The following OR51B5 variants were observed in gnomAD, a reference collection of about 807,000 sequenced individuals.
OR51B5 encodes the protein olfactory receptor family 51 subfamily B member 5.
For missense variants in OR51B5, 456 were observed against 374.6 expected, an observed-to-expected ratio of 1.22 and a Z score of -1.79; for synonymous variants, 186 against 144.8, an observed-to-expected ratio of 1.28 and a Z score of -2.04.
rs1851398108 is a variant in OR51B5, at chr11:5,480,321, C to T, written n.84+25248G>A. 2.0e-5 allele frequency among the ~76,000 whole-genome samples: 3 copies of T among 151,582 alleles called. No homozygotes were observed. The South Asian group carries it at 6.3e-4, about 32-fold the overall frequency. On this transcript the variant is annotated intron_variant and non_coding_transcript_variant, in intron 1 of 4. Transcript: ENST00000415970. ...TCTTTGAAACCAACGAGAACAAAGA[C>T]ACAACATACCAGAATCTCTGGGACG...
intron 1 of OR51B5, among the ~76,000 whole-genome samples, chr11:5,496,056 T>G (rs1459147610): frequency 6.6e-6 from 1 of 152,042 alleles, no homozygotes; most frequent in African/African-American, 2.4e-5. Context: ...GTCTGGTTCC[T>G]GCCACAAGTT....
chr11:5,405,070 A>C (rs1453258498), intron 1 of OR51B5, among the ~76,000 whole-genome samples: 1 of 152,206 alleles, frequency 6.6e-6, no homozygotes, highest in East Asian at 1.9e-4. Flanking sequence ...GTAGACATTC[A>C]TATTTTCTAC....
chr11:5,420,601 G>C (rs1050056026), intron 1 of OR51B5, among the ~76,000 whole-genome samples: 1 of 151,862 alleles, frequency 6.6e-6, no homozygotes, highest in Non-Finnish European at 1.5e-5. Context: ...CACTTTTAAA[G>C]ATTATATCTA....
downstream of OR51B5, among the ~76,000 whole-genome samples, chr11:5,342,294 TGTTA>T (rs1038004988): frequency 1.3e-5 from 2 of 152,226 alleles, no homozygotes; most frequent in Non-Finnish European, 2.9e-5. Flanking sequence ...AATAAACATA[TGTTA>T]GTTACATTAT....
intron 1 of OR51B5, among the ~76,000 whole-genome samples, chr11:5,373,831 T>C (rs921641536): frequency 6.6e-6 from 1 of 152,140 alleles, no homozygotes; most frequent in Non-Finnish European, 1.5e-5. Context: ...GCCAGGAAGC[T>C]CAAACTGGGT....
At chr11:5,435,033 G>A (rs1273832035) in intron 1 of OR51B5, among the ~76,000 whole-genome samples, 1 of 152,140 alleles carries the variant, frequency 6.6e-6, no homozygotes, top group Non-Finnish European at 1.5e-5. Flanking sequence ...GAGGTCAGGT[G>A]GTGGGGAACA....
At chr11:5,369,433 CTA>C (rs1001793790) in intron 1 of OR51B5, among the ~76,000 whole-genome samples, 10 of 151,944 alleles carry the variant, frequency 6.6e-5, no homozygotes, top group Non-Finnish European at 1.0e-4. Flanking sequence ...CAGTAAAACT[CTA>C]TGAAACAGAC....
intron 1 of OR51B5, chr11:5,390,488 C>A: frequency 2.1e-6 from 2 of 951,990 alleles, no homozygotes; most frequent in South Asian, 2.0e-5. Flanking sequence ...TTGCCCCTGT[C>A]CTAAATAAAA....
At chr11:5,342,709 G>A (rs866448073) in exon 1 of OR51B5, 1 of 1,613,788 alleles carries the variant, frequency 6.2e-7, no homozygotes, top group East Asian at 2.2e-5. Context: ...AGCTCATAAT[G>A]AGGTGAACAA....
intron 1 of OR51B5, chr11:5,391,080 T>C (rs1205696844): frequency 6.6e-6 from 1 of 152,232 alleles, no homozygotes; most frequent in Non-Finnish European, 1.5e-5. Flanking sequence ...TACTTGTAGG[T>C]GTTTTAGTTG....
Position 5,343,220 on chromosome 11 carries a change from A to AAAACTCGAGAAAGGAAAGTGAGTGTG in OR51B5, c.304_305insCACACTCACTTTCCTTTCTCGAGTTT (p.Ile102ThrfsTer47). ...AGACTCGAGAAAGGAAAGTGAGTGT[A>AAAACTCGAGAAAGGAAAGTGAGTGTG]TAAAGTAGGCCTGGGAAAAGCAGGC... On this transcript the variant is annotated frameshift_variant, in exon 1 of 1. Coordinates refer to ENST00000300773, the Ensembl canonical transcript of OR51B5. LOFTEE classifies it low-confidence loss of function (END_TRUNC). 1 of 1,613,372 alleles carries AAAACTCGAGAAAGGAAAGTGAGTGTG rather than the reference A, an allele frequency of 6.2e-7. No homozygotes were observed. Among genetic ancestry groups the AAAACTCGAGAAAGGAAAGTGAGTGTG allele is most frequent in the East Asian group, 2.2e-5 (1 of 44,818 alleles).
intron 1 of OR51B5, among the ~76,000 whole-genome samples, chr11:5,428,449 T>A (rs887853362): frequency 6.6e-6 from 1 of 152,216 alleles, no homozygotes; most frequent in African/African-American, 2.4e-5. Context: ...ATGGCGCAGA[T>A]AGACTTGCTC....
intron 1 of OR51B5, among the ~76,000 whole-genome samples, chr11:5,478,112 T>A (rs1590019749): frequency 6.6e-6 from 1 of 151,800 alleles, no homozygotes; most frequent in East Asian, 2.0e-4. Flanking sequence ...AATGTCCCTG[T>A]CTGACAGCTT....
chr11:5,406,694 A>G (rs1850062294), intron 1 of OR51B5, among the ~76,000 whole-genome samples: 1 of 152,170 alleles, frequency 6.6e-6, no homozygotes, highest in African/African-American at 2.4e-5. Context: ...CAATTAGAAA[A>G]GATATAGAAA....
At chr11:5,460,463 G>A (rs577151737) in intron 1 of OR51B5, among the ~76,000 whole-genome samples, 41 of 70,634 alleles carry the variant, frequency 5.8e-4, no homozygotes, top group Admixed American at 4.5e-3. Context: ...TTCTTAAAAT[G>A]GCTGTGTCAT....
intron 1 of OR51B5, among the ~76,000 whole-genome samples, chr11:5,457,085 A>G (rs1410095425): frequency 6.6e-6 from 1 of 152,218 alleles, no homozygotes; most frequent in Non-Finnish European, 1.5e-5. Flanking sequence ...AAATGAATTA[A>G]TACAGCATAG....
chr11:5,401,527 G>C (rs1057306035), intron 1 of OR51B5, among the ~76,000 whole-genome samples: 1 of 152,180 alleles, frequency 6.6e-6, no homozygotes, highest in Non-Finnish European at 1.5e-5. Context: ...TCTGGCCACT[G>C]CCACTATCTC....
At chr11:5,402,773 T>A (rs1315129265) in intron 1 of OR51B5, 1 of 471,506 alleles carries the variant, frequency 2.1e-6, no homozygotes, top group Admixed American at 2.3e-5. Context: ...TTGCCCTACA[T>A]CAACCCATGT....
intron 1 of OR51B5, among the ~76,000 whole-genome samples, chr11:5,398,859 A>G (rs1157199259): frequency 6.6e-6 from 1 of 152,272 alleles, no homozygotes; most frequent in East Asian, 1.9e-4. Flanking sequence ...CTATGTGGAA[A>G]TGTGAGTCAA....
Sources: gnomAD v4.1 joint callset for allele counts (sites outside exome capture counted in the v4.1 genomes callset) on GRCh38, gnomAD v4.1.1 for gene constraint, MANE v1.5 for transcripts, NCBI Gene and HGNC (gene_info 2026-07-23, HGNC 2026-07-21) for gene names.